Variants in RBFOX1 observed in about 807,000 individuals in gnomAD.
RBFOX1 encodes RNA binding protein fox-1 homolog 1.
In RBFOX1, 8 loss-of-function variants were observed where a neutral mutation model predicts 57.7. The observed-to-expected ratio is 0.14, with a 90% CI of 0.08 to 0.25. RBFOX1 has a LOEUF of 0.25. Among genes scored for constraint, RBFOX1 ranks in the 10% least tolerant of loss-of-function variants. The pLI is 1.00. For missense variants in RBFOX1, 611 were observed against 548.5 expected, an observed-to-expected ratio of 1.11 and a Z score of -1.14; for synonymous variants, 326 against 222.4, an observed-to-expected ratio of 1.47 and a Z score of -4.15.
intron 3 of RBFOX1, among the ~76,000 whole-genome samples, chr16:6,908,363 A>G (rs1050879456): frequency 1.4e-5 from 2 of 146,284 alleles, no homozygotes; most frequent in Non-Finnish European, 3.1e-5. Context: ...GCACCCTTCT[A>G]ACCCCGATGT....
At chr16:7,073,522 A>T (rs1472892323) in intron 4 of RBFOX1, among the ~76,000 whole-genome samples, 1 of 152,084 alleles carries the variant, frequency 6.6e-6, no homozygotes, top group Non-Finnish European at 1.5e-5. Flanking sequence ...CACACAATTG[A>T]AATGTCCAAT....
At position 6,578,612 on chromosome 16, in the gene RBFOX1, T is replaced by TGTGTGTGTGTGTGTGTGTGG. The variant is rs373655762; in HGVS notation, c.-63-75990_-63-75989insTGTGTGTGTGTGTGTGTGGG. ...TGGTGTGTGTGCGTGTGTGTGTGTG[T>TGTGTGTGTGTGTGTGTGTGG]GAGCATGGGAGAAACAGAGGGACAT... On this transcript the variant is annotated intron_variant, in intron 2 of 15. Transcript: ENST00000550418. 5.6e-3 allele frequency among the ~76,000 whole-genome samples: 819 copies of TGTGTGTGTGTGTGTGTGTGG among 147,098 alleles called. 17 individuals carry two copies. Among genetic ancestry groups the TGTGTGTGTGTGTGTGTGTGG allele is most frequent in the African/African-American group, 0.014 (556 of 40,612 alleles).
chr16:5,787,569 A>G (rs1029358726), intron 3 of RBFOX1, among the ~76,000 whole-genome samples: 1 of 152,228 alleles, frequency 6.6e-6, no homozygotes, highest in East Asian at 1.9e-4. Context: ...CCCCACAGAC[A>G]AAACACATAC....
At chr16:6,212,458 C>G (rs1179137708) in intron 1 of RBFOX1, among the ~76,000 whole-genome samples, 2 of 151,840 alleles carry the variant, frequency 1.3e-5, no homozygotes, top group Admixed American at 1.3e-4. Flanking sequence ...GTAATCCCAG[C>G]ACTTTGGGAG....
chr16:6,405,836 A>T (rs1409646832), intron 2 of RBFOX1, among the ~76,000 whole-genome samples: 2 of 152,130 alleles, frequency 1.3e-5, no homozygotes, highest in Non-Finnish European at 2.9e-5. Context: ...GATCAATAAA[A>T]CTCATAAAAT....
At chr16:6,895,460 ATATATATATATATATATATATATATATT>A (rs1567761480) in intron 3 of RBFOX1, among the ~76,000 whole-genome samples, 25 of 91,346 alleles carry the variant, frequency 2.7e-4, no homozygotes, top group Admixed American at 1.0e-3. Context: ...ATATATATAT[ATATATATATATATATATATATATATATT>A]TATTCCCCTA....
chr16:7,219,948 T>A (rs980937129), intron 4 of RBFOX1, among the ~76,000 whole-genome samples: 2 of 152,152 alleles, frequency 1.3e-5, no homozygotes, highest in African/African-American at 4.8e-5. Flanking sequence ...ATTTAGGAAA[T>A]TTTCTGAATT....
intron 3 of RBFOX1, among the ~76,000 whole-genome samples, chr16:5,762,051 AGG>A (rs1401399301): frequency 6.6e-6 from 1 of 152,164 alleles, no homozygotes. Context: ...CATCTAGAAA[AGG>A]GGAATGGAAA....
At chr16:6,989,556 A>T (rs933099795) in intron 3 of RBFOX1, among the ~76,000 whole-genome samples, 1 of 152,206 alleles carries the variant, frequency 6.6e-6, no homozygotes, top group African/African-American at 2.4e-5. Flanking sequence ...CCAGGGATGG[A>T]TATAAAGAAT....
intron 14 of RBFOX1, among the ~76,000 whole-genome samples, chr16:7,681,833 C>G (rs116842603): frequency 6.6e-6 from 1 of 152,164 alleles, no homozygotes; most frequent in Non-Finnish European, 1.5e-5. Context: ...TTTCCCCAGT[C>G]CTCTTATCTG....
chr16:5,902,767 C>T (rs564739044), intron 4 of RBFOX1, among the ~76,000 whole-genome samples: 1 of 152,112 alleles, frequency 6.6e-6, no homozygotes, highest in Non-Finnish European at 1.5e-5. Flanking sequence ...ATTCTATCCA[C>T]CCTCCTTTTT....
chr16:5,943,936 C>T (rs146333678), intron 4 of RBFOX1, among the ~76,000 whole-genome samples: 2 of 151,770 alleles, frequency 1.3e-5, no homozygotes, highest in African/African-American at 2.4e-5. Flanking sequence ...GTCTTTCCTT[C>T]TATTTTCCAT....
At chr16:7,541,552 G>C (rs925252133) in intron 5 of RBFOX1, among the ~76,000 whole-genome samples, 1 of 151,894 alleles carries the variant, frequency 6.6e-6, no homozygotes, top group African/African-American at 2.4e-5. Context: ...CGTTTGCATT[G>C]AAAATCCTGC....
chr16:6,477,028 G>C (rs117557144), intron 2 of RBFOX1, among the ~76,000 whole-genome samples: 367 of 152,206 alleles, frequency 2.4e-3, no homozygotes, highest in Non-Finnish European at 3.4e-3. Flanking sequence ...CAGCAATGTA[G>C]TTGCCTCTTC....
At chr16:7,132,952 T>A (rs2070922240) in intron 4 of RBFOX1, among the ~76,000 whole-genome samples, 1 of 152,332 alleles carries the variant, frequency 6.6e-6, no homozygotes, top group African/African-American at 2.4e-5. Flanking sequence ...GTGATTCTGA[T>A]GAAACTGCAA....
At chr16:5,969,190 C>T (rs1183780390) in intron 4 of RBFOX1, among the ~76,000 whole-genome samples, 1 of 151,850 alleles carries the variant, frequency 6.6e-6, no homozygotes, top group South Asian at 2.1e-4. Flanking sequence ...TTATTTTTGA[C>T]AATGCCTCTC....
intron 3 of RBFOX1, among the ~76,000 whole-genome samples, chr16:5,704,221 C>G (rs1450506840): frequency 2.0e-5 from 3 of 152,150 alleles, no homozygotes; most frequent in African/African-American, 7.2e-5. Context: ...GTTGCAGAAG[C>G]TGCTGGATAA....
At chr16:5,414,366 A>G (rs946451543) in intron 1 of RBFOX1, among the ~76,000 whole-genome samples, 10 of 152,004 alleles carry the variant, frequency 6.6e-5, no homozygotes, top group African/African-American at 2.4e-4. Context: ...GTGGGTGGGT[A>G]TTTTCCTCTC....
intron 3 of RBFOX1, among the ~76,000 whole-genome samples, chr16:5,766,128 G>A (rs562834392): frequency 6.6e-6 from 1 of 152,266 alleles, no homozygotes; most frequent in Admixed American, 6.5e-5. Context: ...CCAGCATTGA[G>A]GCTGAATGCC....
Sources: gnomAD v4.1 joint callset for allele counts (sites outside exome capture counted in the v4.1 genomes callset) on GRCh38, gnomAD v4.1.1 for gene constraint, MANE v1.5 for transcripts, NCBI Gene and HGNC (gene_info 2026-07-23, HGNC 2026-07-21) for gene names.